NDUFA13: variants seen among roughly 807,000 people sequenced by gnomAD.
The protein encoded by NDUFA13 is NADH:ubiquinone oxidoreductase subunit A13.
NDUFA13 carries 16 observed loss-of-function variants against 17.0 expected under a neutral mutation model. The observed-to-expected ratio is 0.94, with a 90% CI of 0.64 to 1.43. The LOEUF is 1.43. Ranked by LOEUF, NDUFA13 falls within the 40% of genes most tolerant of loss-of-function variation. The pLI is 0.00. For missense variants in NDUFA13, 228 were observed against 206.7 expected, an observed-to-expected ratio of 1.10 and a Z score of -0.63; for synonymous variants, 87 against 78.4, an observed-to-expected ratio of 1.11 and a Z score of -0.58.
chr19:19,524,409 G>A (rs1284612428), intron 1 of NDUFA13, among the ~76,000 whole-genome samples: 11 of 152,256 alleles, frequency 7.2e-5, no homozygotes, highest in Admixed American at 7.2e-4. Context: ...TTACAGATGG[G>A]CCTGCGTATG....
At chr19:19,527,162 G>GCCCACCCCCCCCC in intron 2 of NDUFA13, 119 bp from the exon 3 acceptor site, 1 of 837,466 alleles carries the variant, frequency 1.2e-6, no homozygotes, top group Non-Finnish European at 1.8e-6. Context: ...CCCCCTGCCT[G>GCCCACCCCCCCCC]CCTCCCCGCC....
intron 3 of NDUFA13, 73 bp downstream of exon 3, chr19:19,527,425 C>T (rs1481059554): frequency 5.8e-6 from 9 of 1,559,556 alleles, no homozygotes; most frequent in Admixed American, 5.0e-5. Flanking sequence ...GACCTGCATC[C>T]CCGAAGGTGG....
chr19:19,525,719 T>A (rs550619802), intron 1 of NDUFA13, among the ~76,000 whole-genome samples: 1 of 152,152 alleles, frequency 6.6e-6, no homozygotes, highest in East Asian at 1.9e-4. Context: ...GCAGGGGGCT[T>A]CACCCTGCAG....
intron 1 of NDUFA13, among the ~76,000 whole-genome samples, chr19:19,521,131 C>T (rs1016236690): frequency 2.0e-5 from 3 of 152,220 alleles, no homozygotes; most frequent in African/African-American, 7.2e-5. Context: ...AAATTGGCTG[C>T]ACCATTTTGT....
chr19:19,524,534 A>AT (rs1301751181), intron 1 of NDUFA13, among the ~76,000 whole-genome samples: 1 of 151,940 alleles, frequency 6.6e-6, no homozygotes, highest in Non-Finnish European at 1.5e-5. Context: ...AAATAATGAG[A>AT]TATGGCCGGG....
chr19:19,520,270 A>G (rs1056871690), intron 1 of NDUFA13, among the ~76,000 whole-genome samples: 5 of 151,694 alleles, frequency 3.3e-5, no homozygotes, highest in Admixed American at 3.3e-4. Flanking sequence ...TTTCCTTTTC[A>G]TCTTGTGTCT....
chr19:19,516,385 G>A (rs780032596), intron 1 of NDUFA13, 53 bp downstream of exon 1: 57 of 1,595,994 alleles, frequency 3.6e-5, no homozygotes, highest in Non-Finnish European at 4.6e-5. Flanking sequence ...GGGGCTCGGG[G>A]GCGGGGTTCC....
intron 1 of NDUFA13, among the ~76,000 whole-genome samples, chr19:19,519,327 C>T (rs1318370934): frequency 1.3e-5 from 2 of 152,190 alleles, no homozygotes; most frequent in Non-Finnish European, 2.9e-5. Flanking sequence ...TGGAGGCTCC[C>T]TGAGCTCCCT....
In NDUFA13 at chr19:19,516,253, G is replaced by A. The variant is rs137852869; in HGVS notation, c.15G>A (p.Lys5=). 3 of 1,613,976 alleles carry A rather than the reference G, an allele frequency of 1.9e-6. No individual in the cohort carries two copies. The highest frequency in any genetic ancestry group is 2.5e-6 in the Non-Finnish European group (3 of 1,180,050). The stretch of plus-strand genomic sequence containing the variant: ...ATACTGCGAGTATGGCGGCGTCAAA[G>A]GTGAAGCAGGACATGCCTCCGCCGG... MAAS[K]VKQDMPPPGG... The change falls in exon 1 of 5, where the codon AAG becomes AAA. Residue 5 remains lysine, a synonymous_variant. Transcript: ENST00000507754.
chr19:19,521,764 G>A lies in NDUFA13; in HGVS notation c.95-4418G>A, dbSNP rs1190062686. ...ACTTCAGGCACCTGCCACTGCGCCC[G>A]GCTAATTTTTTGCATTTTTAGTAGA... On this transcript the variant is annotated intron_variant, in intron 1 of 4. Transcript: ENST00000507754. Among the ~76,000 whole-genome samples the A allele has an allele frequency of 3.3e-5, 5 of 151,822 alleles. No homozygotes were observed. In the East Asian group the frequency reaches 5.9e-4, roughly 18 times the overall value.
intron 1 of NDUFA13, 175 bp from the exon 2 acceptor site, chr19:19,526,007 C>G: frequency 2.7e-6 from 4 of 1,475,526 alleles, no homozygotes; most frequent in Non-Finnish European, 3.6e-6. Flanking sequence ...AGGTTGCTGC[C>G]TGGCTTGTAC....
chr19:19,517,695 AT>A (rs2061056522), intron 1 of NDUFA13, among the ~76,000 whole-genome samples: 1 of 148,006 alleles, frequency 6.8e-6, no homozygotes, highest in African/African-American at 2.5e-5. Flanking sequence ...TTTATTTTTT[AT>A]TTCTACTTTT....
Position 19,527,749 on chromosome 19 carries a change from G to C in NDUFA13, c.294G>C (p.Met98Ile). The change falls in exon 4 of 5, where the codon ATG (methionine) becomes ATC (isoleucine). Residue 98 changes from methionine (M) to isoleucine (I), a missense_variant. By Grantham distance (10) the Met-to-Ile change is conservative. Coordinates refer to ENST00000507754, the MANE Select transcript of NDUFA13 (RefSeq NM_015965.7). ...RENLEEEAII[M>I]KDVPDWKVGE... Reference sequence around the variant, plus strand: ...ACCTGGAGGAGGAGGCCATCATCATGAAGGACGTGCCCGACTGGAAGGTGG... The same window carrying C: ...ACCTGGAGGAGGAGGCCATCATCATCAAGGACGTGCCCGACTGGAAGGTGG... 1 of 1,553,054 alleles carries C rather than the reference G, an allele frequency of 6.4e-7. No homozygotes were observed. Among genetic ancestry groups the C allele is most frequent in the South Asian group, 1.2e-5 (1 of 84,142 alleles).
rs2061098856 is a variant in NDUFA13 at position 19,526,194 on chromosome 19, T to C, written c.107T>C (p.Leu36Pro). ...CCTCTCTTCACAGGCTACAGCATGC[T>C]GGCCATAGGGATTGGAACCCTGATC... ...PRRGLSGYSM[L>P]AIGIGTLIYG... The change falls in exon 2 of 5, where the codon CTG becomes CCG. Residue 36 changes from leucine to proline, a missense_variant. Transcript: ENST00000507754. The C allele has an allele frequency of 1.9e-6, 3 of 1,613,940 alleles. No homozygotes were observed. The highest frequency in any genetic ancestry group is 1.7e-5 in the Admixed American group (1 of 60,006).
At position 19,528,067 on chromosome 19, in the gene NDUFA13, G is replaced by A. The variant is rs771186256; in HGVS notation, c.376G>A (p.Gly126Arg). The A allele has an allele frequency of 8.7e-6, 14 of 1,611,802 alleles. No individual in the cohort carries two copies. Among genetic ancestry groups the A allele is most frequent in the Admixed American group, 1.7e-5 (1 of 59,940 alleles). The change falls in exon 5 of 5, where the codon GGG becomes AGG. Residue 126 changes from glycine to arginine, a missense_variant. Physicochemically the swap from Gly to Arg is moderately radical, Grantham distance 125 (BLOSUM62 -2). Transcript: ENST00000507754. ...GCCCCCCTTGATCGGGGAGCTGTAC[G>A]GGCTGCGCACCACAGAGGAGGCTCT... ...WVPPLIGELY[G>R]LRTTEEALHA...
intron 1 of NDUFA13, among the ~76,000 whole-genome samples, chr19:19,525,696 C>T (rs1234710209): frequency 6.6e-6 from 1 of 152,148 alleles, no homozygotes; most frequent in African/African-American, 2.4e-5. Context: ...CTAGGTCCTT[C>T]CTGGGGTGCA....
rs557020276 is a variant in NDUFA13 at position 19,518,362 on chromosome 19, G to A, written c.94+2030G>A. On this transcript the variant is annotated intron_variant, in intron 1 of 4. Coordinates refer to ENST00000507754, the MANE Select transcript of NDUFA13 (RefSeq NM_015965.7). The stretch of plus-strand genomic sequence containing the variant: ...CAATTCTCCTGTCTCAGCCTCCCGA[G>A]TAGCTGGGAGTACAGTTGGATGCCA... Among the ~76,000 whole-genome samples, 170 of 151,266 alleles carry A rather than the reference G, an allele frequency of 1.1e-3. 1 individual carries two copies. The highest frequency in any genetic ancestry group is 1.7e-3 in the Non-Finnish European group (118 of 67,806).
chr19:19,527,634 G>A, intron 3 of NDUFA13, 67 bp from the exon 4 acceptor site: 1 of 1,289,244 alleles, frequency 7.8e-7, no homozygotes, highest in East Asian at 2.5e-5. Context: ...GGTGCTACTA[G>A]GGGCCCTAGG....
chr19:19,527,260 G>A, intron 2 of NDUFA13, 21 bp from the exon 3 acceptor site: 1 of 1,613,868 alleles, frequency 6.2e-7, no homozygotes, highest in Non-Finnish European at 8.5e-7. Flanking sequence ...TGACCTGAGT[G>A]TGGGTTTCGG....
Sources: gnomAD v4.1 joint callset for allele counts (sites outside exome capture counted in the v4.1 genomes callset) on GRCh38, gnomAD v4.1.1 for gene constraint, MANE v1.5 for transcripts, NCBI Gene and HGNC (gene_info 2026-07-23, HGNC 2026-07-21) for gene names.